The following LINGO2 variants were observed in gnomAD, a reference collection of about 807,000 sequenced individuals.
The protein encoded by LINGO2 is leucine-rich repeat and immunoglobulin-like domain-containing nogo receptor-interacting protein 2.
In LINGO2, 14 loss-of-function variants were observed where a neutral mutation model predicts 30.6. The ratio of observed to expected loss-of-function variants is 0.46; its 90% CI spans 0.30 to 0.72. The LOEUF is 0.72. Among genes scored for constraint, LINGO2 ranks in the 30% least tolerant of loss-of-function variants. The pLI, the probability that LINGO2 is intolerant of heterozygous loss-of-function variation, is 0.07. For synonymous variants in LINGO2, 317 were observed against 288.5 expected (o/e 1.10, Z -1.00); for missense variants, 729 against 751.7 (o/e 0.97, Z 0.35).
intron 2 of LINGO2, among the ~76,000 whole-genome samples, chr9:28,382,525 G>A (rs1821395460): frequency 6.6e-6 from 1 of 152,126 alleles, no homozygotes. Flanking sequence ...CACATTTCAT[G>A]TTTCCTGTGT....
At chr9:28,319,308 T>G (rs973661619) in intron 3 of LINGO2, among the ~76,000 whole-genome samples, 2 of 152,188 alleles carry the variant, frequency 1.3e-5, no homozygotes, top group African/African-American at 4.8e-5. Context: ...CCTGTCAGTC[T>G]TCTAATCTCT....
At chr9:28,613,433 A>G (rs1826002140) in intron 1 of LINGO2, among the ~76,000 whole-genome samples, 1 of 151,932 alleles carries the variant, frequency 6.6e-6, no homozygotes, top group African/African-American at 2.4e-5. Context: ...CTACATATAT[A>G]TATTTGCCTA....
At chr9:28,221,419 T>C (rs1412116104) in intron 4 of LINGO2, among the ~76,000 whole-genome samples, 1 of 151,922 alleles carries the variant, frequency 6.6e-6, no homozygotes, top group Non-Finnish European at 1.5e-5. Context: ...TACACATGTA[T>C]GTATACTTCA....
chr9:28,593,552 A>G (rs2135715643), intron 1 of LINGO2, among the ~76,000 whole-genome samples: 1 of 152,220 alleles, frequency 6.6e-6, no homozygotes, highest in Non-Finnish European at 1.5e-5. Flanking sequence ...GTGTCTTCTA[A>G]GTTCCCCATA....
the LINGO2 span, among the ~76,000 whole-genome samples, chr9:29,050,307 AGCCACCACG>A: frequency 4.3e-3 from 657 of 152,308 alleles, 9 homozygotes; most frequent in South Asian, 0.035. Flanking sequence ...TTACAGGCGT[AGCCACCACG>A]CCCAGCCTTA....
the LINGO2 span, among the ~76,000 whole-genome samples, chr9:28,889,611 G>A: frequency 0.022 from 3,353 of 152,038 alleles, 111 homozygotes; most frequent in African/African-American, 0.076. Flanking sequence ...AGCAATTACT[G>A]TAAATTTTAA....
chr9:28,387,611 C>T (rs1439012215), intron 2 of LINGO2, among the ~76,000 whole-genome samples: 1 of 152,208 alleles, frequency 6.6e-6, no homozygotes, highest in Non-Finnish European at 1.5e-5. Flanking sequence ...TCTGCATCTT[C>T]ATTCCTGAAG....
the LINGO2 span, among the ~76,000 whole-genome samples, chr9:28,818,724 T>C: frequency 1.3e-5 from 2 of 152,138 alleles, no homozygotes; most frequent in African/African-American, 2.4e-5. Context: ...AAGTTAACTG[T>C]TTCTCCTGGG....
the LINGO2 span, among the ~76,000 whole-genome samples, chr9:29,212,013 C>G: frequency 7.2e-5 from 11 of 152,312 alleles, 1 homozygote; most frequent in African/African-American, 2.4e-4. Flanking sequence ...TTCACTCCCT[C>G]CCACCCTGAG....
intron 3 of LINGO2, among the ~76,000 whole-genome samples, chr9:28,310,674 T>C (rs184577292): frequency 1.3e-5 from 2 of 152,324 alleles, no homozygotes; most frequent in East Asian, 3.9e-4. Flanking sequence ...GGTATATTCA[T>C]GTGTCAAAAC....
At chr9:28,504,658 T>A (rs1181861331) in intron 1 of LINGO2, among the ~76,000 whole-genome samples, 2 of 151,606 alleles carry the variant, frequency 1.3e-5, no homozygotes, top group Non-Finnish European at 3.0e-5. Context: ...AATATTTTTA[T>A]ATATGTATTT....
intron 4 of LINGO2, among the ~76,000 whole-genome samples, chr9:28,070,836 C>G (rs1289615146): frequency 6.6e-6 from 1 of 152,080 alleles, no homozygotes; most frequent in East Asian, 1.9e-4. Context: ...CAACAGCTTC[C>G]CAAGTAGCTG....
At chr9:28,585,854 A>G (rs921414033) in intron 1 of LINGO2, among the ~76,000 whole-genome samples, 2 of 151,950 alleles carry the variant, frequency 1.3e-5, no homozygotes, top group African/African-American at 4.8e-5. Flanking sequence ...GTCATTGTTG[A>G]GCACCTGATT....
Position 28,363,199 on chromosome 9 carries a change from G to A in LINGO2, c.-246+9637C>T, listed in dbSNP as rs1162396841. On this transcript the variant is annotated intron_variant, in intron 3 of 5. Transcript: ENST00000379992. ...TGTACACAGTAAGTGGAAAAACTGGGATTCAAGCCCAGATTGTTTGTCTCC... is the reference window on the plus strand; with the variant it reads ...TGTACACAGTAAGTGGAAAAACTGGAATTCAAGCCCAGATTGTTTGTCTCC... Among the ~76,000 whole-genome samples, 6 of 152,146 alleles carry A rather than the reference G, an allele frequency of 3.9e-5. No individual in the cohort carries two copies. In the East Asian group the frequency reaches 1.2e-3, roughly 29 times the overall value.
At position 28,553,623 on chromosome 9, in the gene LINGO2, G is replaced by A. The variant is rs140256890; in HGVS notation, c.-364-77598C>T. On this transcript the variant is annotated intron_variant, in intron 1 of 5. Transcript: ENST00000379992. ...CCTCAACCTAGCAAGGCAGGCCAAC[G>A]TTCAGATTCAGGAAATACAGAGAAC... 2.0e-4 allele frequency among the ~76,000 whole-genome samples: 31 copies of A among 152,014 alleles called. No homozygotes were observed. The East Asian group carries it at 2.7e-3, about 13-fold the overall frequency.
the LINGO2 span, among the ~76,000 whole-genome samples, chr9:28,780,603 C>G: frequency 6.6e-6 from 1 of 152,100 alleles, no homozygotes; most frequent in Non-Finnish European, 1.5e-5. Context: ...GGCCTACTTG[C>G]TTTCTTACCC....
At chr9:28,884,090 G>A in the LINGO2 span, among the ~76,000 whole-genome samples, 1 of 136,458 alleles carries the variant, frequency 7.3e-6, no homozygotes, top group Admixed American at 8.0e-5. Flanking sequence ...TTTAATCCCT[G>A]GAGAATAGCG....
chr9:29,087,576 T>A, the LINGO2 span, among the ~76,000 whole-genome samples: 1 of 152,176 alleles, frequency 6.6e-6, no homozygotes, highest in African/African-American at 2.4e-5. Context: ...CCACACTGTT[T>A]CCCAAGACTG....
chr9:29,051,825 C>T, the LINGO2 span, among the ~76,000 whole-genome samples: 1 of 152,120 alleles, frequency 6.6e-6, no homozygotes, highest in Admixed American at 6.5e-5. Flanking sequence ...TTTGTGAGCT[C>T]GATTTACTGG....
Sources: gnomAD v4.1 joint callset for allele counts (sites outside exome capture counted in the v4.1 genomes callset) on GRCh38, gnomAD v4.1.1 for gene constraint, MANE v1.5 for transcripts, NCBI Gene and HGNC (gene_info 2026-07-23, HGNC 2026-07-21) for gene names.